Variants in SLC25A21 observed in about 807,000 individuals in gnomAD.
SLC25A21 encodes mitochondrial 2-oxodicarboxylate carrier.
Under a neutral mutation model 43.8 loss-of-function variants are expected in SLC25A21, and 47 were observed. The ratio of observed to expected loss-of-function variants is 1.07; its 90% confidence interval spans 0.85 to 1.37. The LOEUF (loss-of-function observed/expected upper bound fraction) is 1.37. Ranked by LOEUF, SLC25A21 falls within the 40% of genes most tolerant of loss-of-function variation. The pLI, the probability that SLC25A21 is intolerant of heterozygous loss-of-function variation, is 0.00. For synonymous variants in SLC25A21, 131 were observed against 121.3 expected (o/e 1.08, Z -0.52); for missense variants, 352 against 350.2 (o/e 1.00, Z -0.04).
At chr14:36,789,329 G>C (rs759843977) in intron 3 of SLC25A21, among the ~76,000 whole-genome samples, 2 of 151,752 alleles carry the variant, frequency 1.3e-5, no homozygotes, top group Non-Finnish European at 2.9e-5. Context: ...TTTTGGGGAG[G>C]AGAAAATAAA....
chr14:36,952,874 C>T (rs992458611), intron 1 of SLC25A21, among the ~76,000 whole-genome samples: 10 of 152,108 alleles, frequency 6.6e-5, no homozygotes, highest in African/African-American at 2.4e-4. Context: ...GAATGAAGAA[C>T]GGGATATTCA....
chr14:36,936,841 G>T (rs1388007903), intron 1 of SLC25A21, among the ~76,000 whole-genome samples: 1 of 152,118 alleles, frequency 6.6e-6, no homozygotes, highest in African/African-American at 2.4e-5. Flanking sequence ...GATATTCATT[G>T]AGAAACATGG....
chr14:36,889,587 A>G (rs1472820978), intron 1 of SLC25A21, among the ~76,000 whole-genome samples: 1 of 152,116 alleles, frequency 6.6e-6, no homozygotes, highest in African/African-American at 2.4e-5. Flanking sequence ...CCTGGGCTTA[A>G]GCAATCCTCC....
chr14:36,914,204 T>C (rs912447761), intron 1 of SLC25A21, among the ~76,000 whole-genome samples: 3 of 152,222 alleles, frequency 2.0e-5, no homozygotes, highest in African/African-American at 7.2e-5. Context: ...GATTCCCTTC[T>C]ACCTAACTGG....
At chr14:37,108,417 A>C (rs1457141143) in intron 1 of SLC25A21, among the ~76,000 whole-genome samples, 2 of 152,198 alleles carry the variant, frequency 1.3e-5, no homozygotes, top group African/African-American at 4.8e-5. Context: ...CTATTACAAG[A>C]AACTTGAAAA....
intron 3 of SLC25A21, among the ~76,000 whole-genome samples, chr14:36,804,903 C>A (rs757507304): frequency 1.6e-4 from 24 of 152,180 alleles, no homozygotes; most frequent in Non-Finnish European, 2.5e-4. Flanking sequence ...TAAAGCCATA[C>A]TTTCTCTGTA....
intron 1 of SLC25A21, among the ~76,000 whole-genome samples, chr14:36,931,270 A>G (rs74622893): frequency 0.017 from 2,635 of 152,254 alleles, 70 homozygotes; most frequent in African/African-American, 0.059. Flanking sequence ...TTCTCTGGGG[A>G]AGATCATACA....
chr14:36,996,501 G>A (rs1433870378), intron 1 of SLC25A21, among the ~76,000 whole-genome samples: 1 of 152,154 alleles, frequency 6.6e-6, no homozygotes, highest in Non-Finnish European at 1.5e-5. Context: ...CTACAAAATA[G>A]GGATAATAAT....
At chr14:37,015,384 T>C (rs368390568) in intron 1 of SLC25A21, among the ~76,000 whole-genome samples, 1 of 151,956 alleles carries the variant, frequency 6.6e-6, no homozygotes, top group Non-Finnish European at 1.5e-5. Context: ...TCATTTTTTA[T>C]GGCTGCATAG....
intron 7 of SLC25A21, among the ~76,000 whole-genome samples, chr14:36,700,647 C>T (rs558534349): frequency 6.6e-6 from 1 of 152,186 alleles, no homozygotes; most frequent in South Asian, 2.1e-4. Context: ...GGCTCTCACA[C>T]TCTTTTTGAA....
chr14:36,819,469 A>C (rs1888557264), intron 2 of SLC25A21, among the ~76,000 whole-genome samples: 1 of 152,154 alleles, frequency 6.6e-6, no homozygotes. Context: ...ATTCTATTTT[A>C]AACTAGTCTG....
intron 1 of SLC25A21, among the ~76,000 whole-genome samples, chr14:36,952,039 G>T (rs111780205): frequency 1.3e-5 from 2 of 151,998 alleles, no homozygotes; most frequent in Non-Finnish European, 2.9e-5. Context: ...TTCAAGACCA[G>T]CCTGGCCAAC....
intron 1 of SLC25A21, among the ~76,000 whole-genome samples, chr14:36,879,507 T>A (rs943686164): frequency 6.6e-6 from 1 of 152,142 alleles, no homozygotes; most frequent in African/African-American, 2.4e-5. Context: ...TTAGTGAGCA[T>A]GACTATATCT....
intron 1 of SLC25A21, among the ~76,000 whole-genome samples, chr14:37,119,884 G>T (rs1281651867): frequency 6.6e-6 from 1 of 152,116 alleles, no homozygotes; most frequent in African/African-American, 2.4e-5. Flanking sequence ...TAGGGTGGCA[G>T]CAAGTTCCTA....
chr14:36,705,074 G>T (rs1566516761), intron 7 of SLC25A21, among the ~76,000 whole-genome samples: 1 of 151,818 alleles, frequency 6.6e-6, no homozygotes, highest in Non-Finnish European at 1.5e-5. Context: ...TTTTTGAGAC[G>T]GATCTCACTC....
chr14:36,795,080 G>A (rs1887629521), intron 3 of SLC25A21, among the ~76,000 whole-genome samples: 1 of 152,130 alleles, frequency 6.6e-6, no homozygotes, highest in Non-Finnish European at 1.5e-5. Flanking sequence ...CCTAATAAGA[G>A]TATAGACCTT....
At chr14:37,108,519 T>C (rs1316087866) in intron 1 of SLC25A21, among the ~76,000 whole-genome samples, 2 of 152,170 alleles carry the variant, frequency 1.3e-5, no homozygotes, top group African/African-American at 4.8e-5. Context: ...ATGAAAAGAA[T>C]ACACTGTTTT....
At chr14:36,919,462 C>T (rs1891917077) in intron 1 of SLC25A21, among the ~76,000 whole-genome samples, 1 of 151,882 alleles carries the variant, frequency 6.6e-6, no homozygotes, top group South Asian at 2.1e-4. Flanking sequence ...AAATATTGCT[C>T]CAGGGTCAGA....
chr14:36,877,701 C>A (rs1341299851), intron 1 of SLC25A21, among the ~76,000 whole-genome samples: 2 of 151,692 alleles, frequency 1.3e-5, no homozygotes, highest in Non-Finnish European at 2.9e-5. Flanking sequence ...CAGAGGACAG[C>A]ATGAGCATGA....
Sources: gnomAD v4.1 joint callset for allele counts (sites outside exome capture counted in the v4.1 genomes callset) on GRCh38, gnomAD v4.1.1 for gene constraint, MANE v1.5 for transcripts, NCBI Gene and HGNC (gene_info 2026-07-23, HGNC 2026-07-21) for gene names.